Variants in ATP6V1H observed in about 807,000 individuals in gnomAD.
The protein encoded by ATP6V1H is ATPase H+ transporting V1 subunit H.
Under a neutral mutation model 71.7 loss-of-function variants are expected in ATP6V1H, and 39 were observed. The ratio of observed to expected loss-of-function variants is 0.54; its 90% CI spans 0.42 to 0.71. The LOEUF is 0.71. ATP6V1H is among the 30% of genes least tolerant of loss of function. The pLI is 0.00. For synonymous variants in ATP6V1H, 192 were observed against 199.3 expected (o/e 0.96, Z 0.31); for missense variants, 509 against 594.9 (o/e 0.86, Z 1.50).
intron 13 of ATP6V1H, among the ~76,000 whole-genome samples, chr8:53,735,133 G>GCC (rs1807157043): frequency 6.6e-6 from 1 of 152,176 alleles, no homozygotes. Context: ...TTATGGAACA[G>GCC]CCCCCTTTGA....
intron 9 of ATP6V1H, among the ~76,000 whole-genome samples, chr8:53,782,620 A>C (rs1435912880): frequency 6.6e-6 from 1 of 152,112 alleles, no homozygotes; most frequent in African/African-American, 2.4e-5. Flanking sequence ...GTCTTGTGCC[A>C]GTTTTCAAAG....
Position 53,743,581 on chromosome 8 carries a change from T to C in ATP6V1H, c.1387A>G (p.Asn463Asp), listed in dbSNP as rs1485938148. The C allele has an allele frequency of 6.2e-7, 1 of 1,612,906 alleles. No homozygotes were observed. Residue 463 changes from asparagine (N) to aspartate (D), a missense_variant, in exon 13 of 14, where the codon AAC becomes GAC. Physicochemically the swap from Asn to Asp is conservative, Grantham distance 23. This residue lies in a region of ATP6V1H where 212 missense variants were observed against 291.6 expected (regional missense o/e 0.73). Transcript: ENST00000359530. ...LLAVQKLMVH[N>D]WEYLGKQLQS... ...GAGCAAAAAGCCGTGGCATACCAGT[T>C]GTGCACCATGAGCTTCTGCACGGCC... is the stretch of plus-strand genomic sequence containing the variant.
intron 13 of ATP6V1H, among the ~76,000 whole-genome samples, chr8:53,741,335 A>G (rs1807406639): frequency 6.6e-6 from 1 of 152,250 alleles, no homozygotes; most frequent in South Asian, 2.1e-4. Flanking sequence ...TGCCTTTCAT[A>G]TTAGGAATAT....
At chr8:53,805,738 A>C (rs1810058385) in intron 7 of ATP6V1H, among the ~76,000 whole-genome samples, 1 of 152,194 alleles carries the variant, frequency 6.6e-6, no homozygotes, top group Admixed American at 6.5e-5. Flanking sequence ...GAGTCAAAAA[A>C]CTAGAAGCAA....
intron 12 of ATP6V1H, among the ~76,000 whole-genome samples, chr8:53,752,654 G>A (rs182412061): frequency 2.0e-5 from 3 of 152,216 alleles, no homozygotes; most frequent in South Asian, 2.1e-4. Context: ...GGGTTCAAGC[G>A]ATTATCCTGC....
chr8:53,778,462 T>A (rs1401616489), intron 9 of ATP6V1H, among the ~76,000 whole-genome samples: 5 of 152,152 alleles, frequency 3.3e-5, no homozygotes, highest in Non-Finnish European at 7.4e-5. Flanking sequence ...TTGTACCCAT[T>A]AACCAATCTC....
At chr8:53,723,660 G>T (rs1806703581) in intron 13 of ATP6V1H, among the ~76,000 whole-genome samples, 1 of 152,158 alleles carries the variant, frequency 6.6e-6, no homozygotes, top group Admixed American at 6.5e-5. Flanking sequence ...CTACCTGGAT[G>T]TGTTTGCATG....
At position 53,814,266 on chromosome 8, in the gene ATP6V1H, T is replaced by C. The variant is rs543340105; in HGVS notation, c.525+396A>G. ...CAAGGGAGCTGCGCCTGGAAATCTC[T>C]CGGCCCGAGGCATGCTCTCTCCTGC... On this transcript the variant is annotated intron_variant, in intron 6 of 13. Transcript: ENST00000359530. Among the ~76,000 whole-genome samples the C allele has an allele frequency of 2.0e-4, 30 of 152,208 alleles. No homozygotes were observed. In the East Asian group the frequency reaches 5.6e-3, roughly 28 times the overall value.
intron 4 of ATP6V1H, 150 bp downstream of exon 4, chr8:53,829,294 C>A (rs1284738472): frequency 9.0e-6 from 5 of 558,174 alleles, no homozygotes; most frequent in Non-Finnish European, 1.5e-5. Flanking sequence ...GCTCTATTAG[C>A]AAATTACAAC....
chr8:53,748,904 A>G (rs903742105), intron 12 of ATP6V1H, among the ~76,000 whole-genome samples: 4 of 152,246 alleles, frequency 2.6e-5, no homozygotes, highest in African/African-American at 9.6e-5. Flanking sequence ...TTTAATTTGT[A>G]TTTACACATG....
Position 53,803,413 on chromosome 8 carries a change from C to G in ATP6V1H, c.580-1517G>C, listed in dbSNP as rs181001727. 2.2e-3 allele frequency among the ~76,000 whole-genome samples: 337 copies of G among 152,056 alleles called. 2 individuals carry two copies. The highest frequency in any genetic ancestry group is 7.9e-3 in the African/African-American group (326 of 41,492). The stretch of plus-strand genomic sequence containing the variant: ...GACAACAGCCTTCAAAATGAACATG[C>G]TAATTTCAAAAAGAATTTCTTAAGG... On this transcript the variant is annotated intron_variant, in intron 7 of 13. Transcript: ENST00000359530.
At position 53,763,932 on chromosome 8, in the gene ATP6V1H, C is replaced by T. The variant is rs150284474; in HGVS notation, c.1175+5686G>A. On this transcript the variant is annotated intron_variant, in intron 11 of 13. Coordinates refer to ENST00000359530, the MANE Select transcript of ATP6V1H (RefSeq NM_015941.4). ...AGAACTAGCTAGAGAAATAAAAACC[C>T]CAAGGAGTCCAGTCTTATGGAAGTT... is the stretch of plus-strand genomic sequence containing the variant. 3.3e-5 allele frequency among the ~76,000 whole-genome samples: 5 copies of T among 152,274 alleles called. No homozygotes were observed. In the East Asian group the frequency reaches 9.6e-4, roughly 29 times the overall value.
At chr8:53,721,510 A>G (rs1806612972) in intron 13 of ATP6V1H, among the ~76,000 whole-genome samples, 1 of 152,190 alleles carries the variant, frequency 6.6e-6, no homozygotes. Context: ...GCTGCTTGAC[A>G]TACATTTTCT....
In ATP6V1H at chr8:53,795,778, T is replaced by C. The variant is rs762584668; in HGVS notation, c.739A>G (p.Ile247Val). ...TGAGGACTGAATGCCAGGAGCCATA[T>C]TGAAAAAATCATTTGATACTGGAGC... The part of the protein sequence containing the change: ...FQLQYQMIFS[I>V]WLLAFSPQMC... The change falls in exon 9 of 14, where the codon ATA becomes GTA. Residue 247 changes from isoleucine to valine, a missense_variant. By Grantham distance (29) the Ile-to-Val change is conservative (BLOSUM62 3). This residue lies in a region of ATP6V1H where 212 missense variants were observed against 291.6 expected (regional missense o/e 0.73). Transcript: ENST00000359530. 51 of 1,613,846 alleles carry C rather than the reference T, an allele frequency of 3.2e-5. No individual in the cohort carries two copies. The highest frequency in any genetic ancestry group is 2.3e-4 in the African/African-American group (17 of 74,894).
At chr8:53,766,380 G>T (rs1808465555) in intron 11 of ATP6V1H, among the ~76,000 whole-genome samples, 1 of 152,198 alleles carries the variant, frequency 6.6e-6, no homozygotes, top group Admixed American at 6.5e-5. Context: ...AGTTGAGGAG[G>T]ATGTATATCG....
At chr8:53,804,784 C>T (rs1468425834) in intron 7 of ATP6V1H, among the ~76,000 whole-genome samples, 2 of 152,160 alleles carry the variant, frequency 1.3e-5, no homozygotes, top group Non-Finnish European at 2.9e-5. Flanking sequence ...TAAGAACTTG[C>T]TACAACATGC....
At chr8:53,829,133 G>A (rs1194719380) in intron 4 of ATP6V1H, among the ~76,000 whole-genome samples, 2 of 152,156 alleles carry the variant, frequency 1.3e-5, no homozygotes, top group African/African-American at 4.8e-5. Flanking sequence ...TCATCCATAA[G>A]TACACAGAGC....
At chr8:53,747,995 G>A (rs1807667041) in intron 12 of ATP6V1H, among the ~76,000 whole-genome samples, 2 of 151,784 alleles carry the variant, frequency 1.3e-5, no homozygotes, top group South Asian at 4.2e-4. Context: ...GTAAAACCCC[G>A]TCTCTACTAA....
intron 7 of ATP6V1H, among the ~76,000 whole-genome samples, chr8:53,802,249 C>T (rs1322255457): frequency 1.3e-5 from 2 of 152,080 alleles, no homozygotes; most frequent in African/African-American, 2.4e-5. Flanking sequence ...AATACTGTTC[C>T]ACATAATTAC....
Sources: gnomAD v4.1 joint callset for allele counts (sites outside exome capture counted in the v4.1 genomes callset) on GRCh38, gnomAD v4.1.1 for gene constraint, gnomAD v4.1.1 regional missense constraint, MANE v1.5 for transcripts, NCBI Gene and HGNC (gene_info 2026-07-23, HGNC 2026-07-21) for gene names.